Variants in PER1 observed in about 807,000 individuals in gnomAD.
PER1 encodes the protein period circadian protein homolog 1.
PER1 carries 87 observed loss-of-function variants against 125.9 expected under a neutral mutation model. That is an observed-to-expected ratio of 0.69 (90% CI 0.58 to 0.83). The LOEUF is 0.83. Among genes scored for constraint, PER1 ranks in the 40% least tolerant of loss-of-function variants. PER1 has a pLI of 0.00. For synonymous variants in PER1, 801 were observed against 714.7 expected, an observed-to-expected ratio of 1.12 and a Z score of -1.93; for missense variants, 1,775 against 1,722.8, an observed-to-expected ratio of 1.03 and a Z score of -0.54.
Position 8,141,295 on chromosome 17 carries a change from C to G in PER1, c.3646G>C (p.Asp1216His), listed in dbSNP as rs768473088. The G allele has an allele frequency of 6.2e-7, 1 of 1,613,770 alleles. No individual in the cohort carries two copies. Among genetic ancestry groups the G allele is most frequent in the South Asian group, 1.1e-5 (1 of 91,082 alleles). ...GSSTQDPGHP[D>H]DPLFSELDGL... ...TCCAGCTCTGAGAAGAGTGGGTCAT[C>G]AGGGTGACCAGGATCTTGGGTGCTG... Residue 1216 changes from aspartate (D) to histidine (H), a missense_variant, in exon 23 of 23, where the codon GAT (aspartate) becomes CAT (histidine). Physicochemically the swap from Asp to His is moderately conservative, Grantham distance 81 (BLOSUM62 -1). Transcript: ENST00000317276.
In PER1 at chr17:8,147,761, T is replaced by A; in HGVS notation, c.1301A>T (p.Tyr434Phe). The change falls in exon 11 of 23, where the codon TAT becomes TTT. Residue 434 changes from tyrosine to phenylalanine, a missense_variant. Coordinates refer to ENST00000317276, the MANE Select transcript of PER1 (RefSeq NM_002616.3). ...AGCCCAGCTGGTGTCCATGGTGACATACTCCCCGTTGCGGGCACAGAAGCG... is the reference window on the plus strand; with the variant it reads ...AGCCCAGCTGGTGTCCATGGTGACAAACTCCCCGTTGCGGGCACAGAAGCG... ...PIRFCARNGE[Y>F]VTMDTSWAGF... 1 of 1,614,062 alleles carries A rather than the reference T, an allele frequency of 6.2e-7. No individual in the cohort carries two copies. Among genetic ancestry groups the A allele is most frequent in the Non-Finnish European group, 8.5e-7 (1 of 1,179,996 alleles).
intron 18 of PER1, chr17:8,144,105 A>C (rs908267643): frequency 2.7e-5 from 16 of 602,208 alleles, no homozygotes; most frequent in Non-Finnish European, 3.8e-5. Context: ...GGGAGAGGTT[A>C]CACGAGGGGT....
chr17:8,143,618 G>T lies in PER1; in HGVS notation c.2720C>A (p.Pro907Gln). The change falls in exon 19 of 23, where the codon CCA (proline) becomes CAA (glutamine). Residue 907 changes from proline (P) to glutamine (Q), a missense_variant. By Grantham distance (76) the Pro-to-Gln change is moderately conservative (BLOSUM62 -1). Coordinates refer to ENST00000317276, the MANE Select transcript of PER1 (RefSeq NM_002616.3). ...CACCAAAGGGGCGGGGAAAGCAGCT[G>T]GGGGCACAGATGTGGGAGCAGGGGG... Reference protein sequence around the residue: ...PLPPAPTSVPPAAFPAPLVTP... With the variant: ...PLPPAPTSVPQAAFPAPLVTP... The T allele has an allele frequency of 1.4e-6, 2 of 1,451,930 alleles. No homozygotes were observed. The highest frequency in any genetic ancestry group is 5.0e-5 in the East Asian group (2 of 39,642). The allele number at this position is 1,451,930 out of a possible 1,614,324, so 89.9% of individuals were successfully genotyped here.
Position 8,143,408 on chromosome 17 carries a change from C to T in PER1, c.2930G>A (p.Arg977Lys). 1.9e-6 allele frequency: 3 copies of T among 1,613,488 alleles called. No homozygotes were observed. In the South Asian group the frequency reaches 3.3e-5, roughly 18 times the overall value. ...HRPDSPLFNS[R>K]CSSPLQLNLL... is the part of the protein sequence containing the mutation. ...ATTGAGCTGGAGTGGAGAGCTGCAT[C>T]TCGAGTTGAACAGTGGAGAGTCCGG... The change falls in exon 19 of 23, where the codon AGA becomes AAA. Residue 977 changes from arginine to lysine, a missense_variant. Transcript: ENST00000317276.
intron 13 of PER1, 86 bp downstream of exon 13, chr17:8,147,164 G>C: frequency 6.6e-7 from 1 of 1,509,464 alleles, no homozygotes; most frequent in Non-Finnish European, 9.0e-7. Flanking sequence ...AGGAGGATCG[G>C]GCAAGACTCT....
rs752110675 is a variant in PER1, at chr17:8,144,837, T to C, written c.2375A>G (p.Gln792Arg). 2.5e-6 allele frequency: 4 copies of C among 1,586,632 alleles called. No individual in the cohort carries two copies. The highest frequency in any genetic ancestry group is 2.6e-6 in the Non-Finnish European group (3 of 1,165,006). Residue 792 changes from glutamine to arginine, a missense_variant, in exon 18 of 23, where the codon CAA becomes CGA. By Grantham distance (43) the Gln-to-Arg change is conservative. Transcript: ENST00000317276. ...GTCTCGGAAGCGGCTGAGGAAGGCT[T>C]GCTCTTCCTTCTGTGTGTGCAGGGA... ...VLSLHTQKEE[Q>R]AFLSRFRDLG...
Position 8,142,336 on chromosome 17 carries a change from C to G in PER1, c.3382G>C (p.Asp1128His). Residue 1128 changes from aspartate (D) to histidine (H), a missense_variant, in exon 21 of 23, where the codon GAT becomes CAT. Transcript: ENST00000317276. ...GDQVIKYVLQ[D>H]PIWLLMANAD... is the part of the protein sequence containing the mutation. ...TTGGCCATGAGCAGCCAAATGGGATCCTGGAGCACGTACTTAATCACCTGG... is the reference window on the plus strand; with the variant it reads ...TTGGCCATGAGCAGCCAAATGGGATGCTGGAGCACGTACTTAATCACCTGG... 1 of 1,613,802 alleles carries G rather than the reference C, an allele frequency of 6.2e-7. No homozygotes were observed. Among genetic ancestry groups the G allele is most frequent in the Non-Finnish European group, 8.5e-7 (1 of 1,179,920 alleles).
At position 8,143,859 on chromosome 17, in the gene PER1, C is replaced by A; in HGVS notation, c.2479G>T (p.Ala827Ser). 1 of 1,609,506 alleles carries A rather than the reference C, an allele frequency of 6.2e-7. No homozygotes were observed. Among genetic ancestry groups the A allele is most frequent in the South Asian group, 1.1e-5 (1 of 90,832 alleles). ...CAGTGGTGTCGGCGGCTTGGGGGTG[C>A]GGGGCCGTGGTGGCAGCCTGTGGGG... ...LGERGCHHGP[A>S]PPSRRHHCRS... is the part of the protein sequence containing the mutation. Residue 827 changes from alanine (A) to serine (S), a missense_variant, in exon 19 of 23, where the codon GCA (alanine) becomes TCA (serine). Physicochemically the swap from Ala to Ser is moderately conservative, Grantham distance 99. Coordinates refer to ENST00000317276, the MANE Select transcript of PER1 (RefSeq NM_002616.3).
At chr17:8,143,990 G>A (rs1295721317) in intron 18 of PER1, 114 bp from the exon 19 acceptor site, 7 of 1,451,584 alleles carry the variant, frequency 4.8e-6, no homozygotes, top group Non-Finnish European at 6.3e-6. Flanking sequence ...CCCAGAGAGA[G>A]CTTCTCAACC....
chr17:8,142,264 C>T lies in PER1; in HGVS notation c.3449+5G>A, dbSNP rs1982128271. ...AAGGCCAAGAAGGCCTCTGAAATGCCTCACCTGGAGGGCACCTGGTAGGTC... is the reference window on the plus strand; with the variant it reads ...AAGGCCAAGAAGGCCTCTGAAATGCTTCACCTGGAGGGCACCTGGTAGGTC... On this transcript the variant is annotated splice_donor_5th_base_variant and intron_variant, in intron 21 of 22. Transcript: ENST00000317276. 5 of 1,578,360 alleles carry T rather than the reference C, an allele frequency of 3.2e-6. No individual in the cohort carries two copies. Among genetic ancestry groups the T allele is most frequent in the Non-Finnish European group, 4.3e-6 (5 of 1,163,346 alleles).
rs1982695285 is a variant in PER1, at chr17:8,149,547, C to T, written c.768G>A (p.Glu256=). Residue 256 remains glutamate, a synonymous_variant, in exon 6 of 23, where the codon GAG becomes GAA. Transcript: ENST00000317276. The part of the protein sequence containing the change: ...RDVFRGTRFS[E]LLAPQDVGVF... ...CTCCCACATCCTGGGGAGCCAGGAG[C>T]TCAGAGAAGCGGGTACCCCGGAACA... is the stretch of plus-strand genomic sequence containing the variant. 6.2e-7 allele frequency: 1 copy of T among 1,613,802 alleles called. No individual in the cohort carries two copies. Among genetic ancestry groups the T allele is most frequent in the Non-Finnish European group, 8.5e-7 (1 of 1,179,988 alleles).
intron 19 of PER1, among the ~76,000 whole-genome samples, 161 bp from the exon 20 acceptor site, chr17:8,142,996 A>C (rs554258140): frequency 7.9e-5 from 12 of 152,274 alleles, no homozygotes; most frequent in African/African-American, 2.9e-4. Flanking sequence ...AAAGCTGGCG[A>C]AGAGTGGGGA....
Position 8,146,483 on chromosome 17 carries a change from G to A in PER1, c.1927C>T (p.Leu643Phe). The A allele has an allele frequency of 6.2e-7, 1 of 1,613,320 alleles. No individual in the cohort carries two copies. Among genetic ancestry groups the A allele is most frequent in the Non-Finnish European group, 8.5e-7 (1 of 1,179,692 alleles). The change falls in exon 16 of 23, where the codon CTC becomes TTC. Residue 643 changes from leucine to phenylalanine, a missense_variant. Transcript: ENST00000317276. ...SILRYLESCNLPSTTKRKCAS... is the reference protein window; with the variant it reads ...SILRYLESCNFPSTTKRKCAS... ...CATTTACGCTTAGTGGTGCTGGGGA[G>A]GTTGCAGCTCTCCAGGTACCTGGGG... is the stretch of plus-strand genomic sequence containing the variant.
rs182036933 is a variant in PER1 at position 8,146,604 on chromosome 17, T to C, written c.1897A>G (p.Ser633Gly). 1,630 of 1,609,998 alleles carry C rather than the reference T, an allele frequency of 1.0e-3. 17 individuals carry two copies. Among genetic ancestry groups the C allele is most frequent in the Non-Finnish European group, 4.5e-5 (53 of 1,177,980 alleles). Residue 633 changes from serine to glycine, a missense_variant, in exon 15 of 23, where the codon AGC (serine) becomes GGC (glycine). Ser to Gly is a moderately conservative substitution (Grantham distance 56). Coordinates refer to ENST00000317276, the MANE Select transcript of PER1 (RefSeq NM_002616.3). ...CSYQQINCLD[S>G]ILRYLESCNL... is the part of the protein sequence containing the mutation. Reference sequence around the variant, plus strand: ...CCTGGCAGGCCTTACCTGAGGATGCTGTCCAGGCAGTTGATCTGCTGGTAG... The same window carrying C: ...CCTGGCAGGCCTTACCTGAGGATGCCGTCCAGGCAGTTGATCTGCTGGTAG...
At position 8,149,556 on chromosome 17, in the gene PER1, G is replaced by A. The variant is rs1663389718; in HGVS notation, c.759C>T (p.Arg253=). 1 of 1,613,972 alleles carries A rather than the reference G, an allele frequency of 6.2e-7. No individual in the cohort carries two copies. Residue 253 remains arginine, a synonymous_variant, in exon 6 of 23, where the codon CGC becomes CGT. Coordinates refer to ENST00000317276, the MANE Select transcript of PER1 (RefSeq NM_002616.3). ...CCTGGGGAGCCAGGAGCTCAGAGAA[G>A]CGGGTACCCCGGAACACGTCCCGCT... The part of the protein sequence containing the change: ...RCKRDVFRGT[R]FSELLAPQDV...
chr17:8,147,110 G>T, intron 13 of PER1, 108 bp from the exon 14 acceptor site: 1 of 1,400,864 alleles, frequency 7.1e-7, no homozygotes, highest in Non-Finnish European at 9.9e-7. Context: ...CAGACGCCTT[G>T]ATGGGAGCAG....
intron 13 of PER1, 115 bp from the exon 14 acceptor site, chr17:8,147,117 G>A: frequency 7.1e-7 from 1 of 1,404,358 alleles, no homozygotes; most frequent in Non-Finnish European, 9.8e-7. Context: ...CTTGATGGGA[G>A]CAGGACAAGA....
In PER1 at chr17:8,143,710, G is replaced by T; in HGVS notation, c.2628C>A (p.Pro876=). ...TPWPTPPATT[P]FPAVVQPYPL... ...GGTAGGGCTGGACAACCGCTGGGAAGGGGGTAGTGGCTGGTGGGGTGGGCC... is the reference window on the plus strand; with the variant it reads ...GGTAGGGCTGGACAACCGCTGGGAATGGGGTAGTGGCTGGTGGGGTGGGCC... The change falls in exon 19 of 23, where the codon CCC becomes CCA. Residue 876 remains proline (P), a synonymous_variant. Coordinates refer to ENST00000317276, the MANE Select transcript of PER1 (RefSeq NM_002616.3). The T allele has an allele frequency of 1.3e-6, 2 of 1,523,178 alleles. No individual in the cohort carries two copies. The highest frequency in any genetic ancestry group is 1.8e-6 in the Non-Finnish European group (2 of 1,128,972). The allele number at this position is 1,523,178 out of a possible 1,614,324, so 94.4% of individuals were successfully genotyped here.
In PER1 at chr17:8,148,682, C is replaced by T; in HGVS notation, c.1010G>A (p.Cys337Tyr). ...ATGGATGCGCTCTGCAATCAGCAGG[C>T]AGCACGGCTGTGCAGGGGCCCCATC... The part of the protein sequence containing the change: ...VSDGAPAQPC[C>Y]LLIAERIHSG... Residue 337 changes from cysteine to tyrosine, a missense_variant, in exon 8 of 23, where the codon TGC becomes TAC. Physicochemically the swap from Cys to Tyr is radical, Grantham distance 194. Coordinates refer to ENST00000317276, the MANE Select transcript of PER1 (RefSeq NM_002616.3). 6.2e-7 allele frequency: 1 copy of T among 1,613,528 alleles called. No individual in the cohort carries two copies. Among genetic ancestry groups the T allele is most frequent in the Non-Finnish European group, 8.5e-7 (1 of 1,179,786 alleles).
Sources: allele counts gnomAD v4.1 joint callset (sites outside exome capture counted in the v4.1 genomes callset), GRCh38; gene constraint gnomAD v4.1.1; transcripts MANE v1.5; gene names NCBI Gene and HGNC (gene_info 2026-07-23, HGNC 2026-07-21).